The following CDK12 variants were observed in gnomAD, a reference collection of about 807,000 sequenced individuals.
CDK12 encodes cyclin dependent kinase 12.
A neutral mutation model predicts 133.8 loss-of-function variants in CDK12; 17 were observed. That is an observed-to-expected ratio of 0.13 (90% CI 0.09 to 0.19). CDK12 has a LOEUF of 0.19. Among genes scored for constraint, CDK12 ranks in the 10% least tolerant of loss-of-function variants. CDK12 has a pLI of 1.00. For synonymous variants in CDK12, 694 were observed against 683.6 expected, an observed-to-expected ratio of 1.02 and a Z score of -0.24; for missense variants, 1,508 against 1,818.7, an observed-to-expected ratio of 0.83 and a Z score of 3.11.
At position 39,471,740 on chromosome 17, in the gene CDK12, A is replaced by T; in HGVS notation, c.1908A>T (p.Leu636Phe). The T allele has an allele frequency of 6.2e-7, 1 of 1,612,460 alleles. No homozygotes were observed. Among genetic ancestry groups the T allele is most frequent in the Non-Finnish European group, 8.5e-7 (1 of 1,179,192 alleles). ...CTCCTTTGCCCCTCCCACCCTTATTACCTGGAGATGATGACATGGATAGGT... is the reference window on the plus strand; with the variant it reads ...CTCCTTTGCCCCTCCCACCCTTATTTCCTGGAGATGATGACATGGATAGGT... Reference protein sequence around the residue: ...TLPPLPLPPLLPGDDDMDSPK... With the variant: ...TLPPLPLPPLFPGDDDMDSPK... Residue 636 changes from leucine (L) to phenylalanine (F), a missense_variant, in exon 2 of 14, where the codon TTA becomes TTT. This residue lies in a region of CDK12 where 347 missense variants were observed against 330.8 expected (regional missense o/e 1.05). Transcript: ENST00000447079.
rs60227908 is a variant in CDK12, at chr17:39,555,828, T to TACACAC, written n.357-406_357-401dup. Among the ~76,000 whole-genome samples the TACACAC allele has an allele frequency of 2.4e-3, 263 of 108,676 alleles. 5 individuals carry two copies. The highest frequency in any genetic ancestry group is 9.2e-3 in the African/African-American group (248 of 26,946). The allele number at this position is 108,676 out of a possible 152,430, so 71.3% of individuals were successfully genotyped here. A position where few individuals can be genotyped will look rare whatever the true frequency, so the allele number is the denominator to read the frequency against. ...GGGAAACATAGTGAAACCTCATCTC[T>TACACAC]ACACACACACACACACACACACACA... is the stretch of plus-strand genomic sequence containing the variant. On this transcript the variant is annotated intron_variant and non_coding_transcript_variant, in intron 2 of 3. Coordinates refer to the CDK12 transcript ENST00000558240.
At position 39,511,510 on chromosome 17, in the gene CDK12, G is replaced by A. The variant is rs995597601; in HGVS notation, c.2667-19G>A. 6.6e-7 allele frequency: 1 copy of A among 1,504,370 alleles called. No homozygotes were observed. The highest frequency in any genetic ancestry group is 9.2e-7 in the Non-Finnish European group (1 of 1,086,996). The allele number at this position is 1,504,370 out of a possible 1,614,324, so 93.2% of individuals were successfully genotyped here. A position where few individuals can be genotyped will look rare whatever the true frequency, so the allele number is the denominator to read the frequency against. On this transcript the variant is annotated intron_variant, in intron 7 of 13. Transcript: ENST00000447079. Reference sequence around the variant, plus strand: ...GAAGCCACTGTAAGTTTATGTCATGGTTGTTTTTTATATTTCAGTCGCCCT... The same window carrying A: ...GAAGCCACTGTAAGTTTATGTCATGATTGTTTTTTATATTTCAGTCGCCCT...
chr17:39,471,893 G>C, intron 2 of CDK12, 130 bp downstream of exon 2: 1 of 843,058 alleles, frequency 1.2e-6, no homozygotes, highest in East Asian at 2.5e-5. Context: ...CAGTGGGAAA[G>C]TCTGTAATTA....
chr17:39,495,402 T>G (rs994621897), intron 5 of CDK12, among the ~76,000 whole-genome samples: 21 of 148,236 alleles, frequency 1.4e-4, no homozygotes, highest in African/African-American at 3.9e-4. Flanking sequence ...TTTTTTTTTT[T>G]TTTTTTTTTT....
Position 39,498,001 on chromosome 17 carries a change from C to G in CDK12, c.2420-3249C>G, listed in dbSNP as rs1014955548. Among the ~76,000 whole-genome samples, 4 of 108,398 alleles carry G rather than the reference C, an allele frequency of 3.7e-5. No homozygotes were observed. The Admixed American group carries it at 4.1e-4, about 11-fold the overall frequency. 71.1% of individuals were successfully genotyped at this position (108,398 alleles called of 152,430 possible). A position where few individuals can be genotyped will look rare whatever the true frequency, so the allele number is the denominator to read the frequency against. On this transcript the variant is annotated intron_variant, in intron 5 of 13. Coordinates refer to ENST00000447079, the MANE Select transcript of CDK12 (RefSeq NM_016507.4). Reference sequence around the variant, plus strand: ...CCTCTCTCTTTCTCTCTCTCTTTCTCTCTTTCTTTCTTTTTTTTTTGGGAC... The same window carrying G: ...CCTCTCTCTTTCTCTCTCTCTTTCTGTCTTTCTTTCTTTTTTTTTTGGGAC...
At chr17:39,542,192 T>C (rs1009669385) in intron 1 of CDK12, among the ~76,000 whole-genome samples, 1 of 147,550 alleles carries the variant, frequency 6.8e-6, no homozygotes, top group African/African-American at 2.5e-5. Flanking sequence ...AGAATAATCT[T>C]TTTTTTTTTT....
intron 1 of CDK12, among the ~76,000 whole-genome samples, chr17:39,465,688 A>T (rs1022037474): frequency 1.3e-5 from 2 of 151,840 alleles, no homozygotes; most frequent in South Asian, 4.1e-4. Flanking sequence ...ACAGGGCTTT[A>T]CCATGTTGGC....
chr17:39,490,474 T>A (rs2051500949), intron 2 of CDK12, 83 bp from the exon 3 acceptor site: 4 of 898,948 alleles, frequency 4.4e-6, no homozygotes, highest in Non-Finnish European at 6.6e-6. Flanking sequence ...AACCTTTTCG[T>A]AACCAGGCAT....
In CDK12 at chr17:39,531,110, G is replaced by A. The variant is rs201512860; in HGVS notation, c.4267G>A (p.Ala1423Thr). 222 of 1,576,982 alleles carry A rather than the reference G, an allele frequency of 1.4e-4. No individual in the cohort carries two copies. The highest frequency in any genetic ancestry group is 1.8e-4 in the Non-Finnish European group (212 of 1,163,396). Reference protein sequence around the residue: ...HPVVGQPFLKAEGSSNSVVHA... With the variant: ...HPVVGQPFLKTEGSSNSVVHA... ...GGTGGTCGGGCAACCATTCCTGAAG[G>A]CTGAGGGAAGCAGCAATTCTGTGGT... The change falls in exon 14 of 14, where the codon GCT (alanine) becomes ACT (threonine). Residue 1423 changes from alanine to threonine, a missense_variant. Around this residue, in one of 9 missense-constraint regions of CDK12, gnomAD observed 114 missense variants for 101.2 expected, o/e 1.13. Coordinates refer to ENST00000447079, the MANE Select transcript of CDK12 (RefSeq NM_016507.4).
At chr17:39,472,295 A>T (rs1388718049) in intron 2 of CDK12, among the ~76,000 whole-genome samples, 1 of 151,796 alleles carries the variant, frequency 6.6e-6, no homozygotes, top group Non-Finnish European at 1.5e-5. Context: ...AAGTTTATTG[A>T]TAATGCTAAT....
chr17:39,502,168 T>G (rs1217101334), intron 6 of CDK12, among the ~76,000 whole-genome samples: 1 of 148,584 alleles, frequency 6.7e-6, no homozygotes, highest in Non-Finnish European at 1.5e-5. Flanking sequence ...TTGTTTGTTT[T>G]TTGAAACGGA....
chr17:39,550,136 T>G (rs1357667075), upstream of CDK12: 1 of 151,888 alleles, frequency 6.6e-6, no homozygotes, highest in Non-Finnish European at 1.5e-5. Flanking sequence ...CACCTGCCAT[T>G]TAATTGGATG....
intron 2 of CDK12, among the ~76,000 whole-genome samples, chr17:39,482,349 G>T (rs1042839057): frequency 6.6e-6 from 1 of 151,900 alleles, no homozygotes; most frequent in African/African-American, 2.4e-5. Context: ...CATTTGGAGC[G>T]TACTGAACTT....
intron 2 of CDK12, among the ~76,000 whole-genome samples, chr17:39,474,831 TTTTTATTTTTA>T (rs1465195416): frequency 6.7e-6 from 1 of 149,658 alleles, no homozygotes; most frequent in Admixed American, 6.7e-5. Flanking sequence ...AAAATCTGAT[TTTTTATTTTTA>T]TTTTTTTTTG....
At chr17:39,467,085 T>C (rs1057360615) in intron 1 of CDK12, among the ~76,000 whole-genome samples, 1 of 152,038 alleles carries the variant, frequency 6.6e-6, no homozygotes, top group Non-Finnish European at 1.5e-5. Flanking sequence ...TTCAAGCGAT[T>C]CTCCTGCCTC....
At chr17:39,558,442 T>C (rs1447339456) in intron 3 of CDK12, among the ~76,000 whole-genome samples, 1 of 152,178 alleles carries the variant, frequency 6.6e-6, no homozygotes, top group African/African-American at 2.4e-5. Context: ...TAAAGAGAAC[T>C]CCATTTATTG....
intron 5 of CDK12, among the ~76,000 whole-genome samples, chr17:39,495,571 C>T (rs745916269): frequency 8.0e-4 from 121 of 151,796 alleles, no homozygotes; most frequent in Non-Finnish European, 9.7e-4. Context: ...GTGGGCAGAT[C>T]ACAAGGTCAG....
downstream of CDK12, among the ~76,000 whole-genome samples, chr17:39,566,694 C>G (rs2056588004): frequency 6.6e-6 from 1 of 152,170 alleles, no homozygotes; most frequent in South Asian, 2.1e-4. Context: ...CCCTCCCCAA[C>G]TCCCCATTAC....
intron 2 of CDK12, among the ~76,000 whole-genome samples, chr17:39,479,082 G>A (rs1390609011): frequency 1.3e-5 from 2 of 152,016 alleles, no homozygotes; most frequent in Non-Finnish European, 2.9e-5. Context: ...GCTGAGGCGG[G>A]CAGATCACGA....
Sources: gnomAD v4.1 joint callset for allele counts (sites outside exome capture counted in the v4.1 genomes callset) on GRCh38, gnomAD v4.1.1 for gene constraint, gnomAD v4.1.1 regional missense constraint, MANE v1.5 for transcripts, NCBI Gene and HGNC (gene_info 2026-07-23, HGNC 2026-07-21) for gene names.